The following MLEC variants were observed in gnomAD, a reference collection of about 807,000 sequenced individuals.
MLEC encodes the protein oligosaccharyltransferase complex subunit (non-catalytic).
A neutral mutation model predicts 28.7 loss-of-function variants in MLEC; 7 were observed. The ratio of observed to expected loss-of-function variants is 0.24; its 90% confidence interval spans 0.14 to 0.46. The LOEUF is 0.46. Among genes scored for constraint, MLEC ranks in the 20% least tolerant of loss-of-function variants. The pLI is 0.99. For synonymous variants in MLEC, 142 were observed against 164.4 expected (o/e 0.86, Z 1.04); for missense variants, 237 against 391.1 (o/e 0.61, Z 3.32).
In MLEC at chr12:120,697,231, T is replaced by G. The variant is rs1256899614; in HGVS notation, c.*686T>G. 6.6e-6 allele frequency: 1 copy of G among 152,432 alleles called. No homozygotes were observed. Among genetic ancestry groups the G allele is most frequent in the Non-Finnish European group, 1.5e-5 (1 of 68,084 alleles). 9.4% of individuals were successfully genotyped at this position (152,432 alleles called of 1,614,324 possible). ...AAGACGTTTCGGTTATGTCGGGTCCTCAGATCGCCTCTGACTTGTTACCAC... is the reference window on the plus strand; with the variant it reads ...AAGACGTTTCGGTTATGTCGGGTCCGCAGATCGCCTCTGACTTGTTACCAC... On this transcript the variant is annotated 3_prime_UTR_variant, in exon 5 of 5. Coordinates refer to ENST00000228506, the MANE Select transcript of MLEC (RefSeq NM_014730.4). This position sits in a 1 kb window ranked among gnomAD's most constrained non-coding sequence, Gnocchi z 4.8.
At chr12:120,693,680 G>A (rs1882119762) in intron 1 of MLEC, among the ~76,000 whole-genome samples, 1 of 152,196 alleles carries the variant, frequency 6.6e-6, no homozygotes, top group African/African-American at 2.4e-5. Context: ...ATCTTGTATG[G>A]AGTTCCTGGC....
intron 1 of MLEC, among the ~76,000 whole-genome samples, chr12:120,690,272 A>AGGG (rs1460853865): frequency 6.6e-6 from 1 of 152,030 alleles, no homozygotes; most frequent in African/African-American, 2.4e-5. Flanking sequence ...TGGCCTCCCA[A>AGGG]ACTGCTGGGA....
At position 120,696,777 on chromosome 12, in the gene MLEC, T is replaced by G; in HGVS notation, c.*232T>G. On this transcript the variant is annotated 3_prime_UTR_variant, in exon 5 of 5. Coordinates refer to ENST00000228506, the MANE Select transcript of MLEC (RefSeq NM_014730.4). The surrounding 1 kb of genome is among the most constrained non-coding windows in gnomAD (Gnocchi z 5.4). The stretch of plus-strand genomic sequence containing the variant: ...CTCTCTTTGTGGCTGGCTCCCAGCC[T>G]TCTCTTTCCTCTTGAGGATACTTAG... 3.4e-6 allele frequency: 2 copies of G among 583,432 alleles called. No individual in the cohort carries two copies. Among genetic ancestry groups the G allele is most frequent in the Non-Finnish European group, 5.9e-6 (2 of 337,094 alleles). 36.1% of individuals were successfully genotyped at this position (583,432 alleles called of 1,614,324 possible). A position where few individuals can be genotyped will look rare whatever the true frequency, so the allele number is the denominator to read the frequency against.
intron 1 of MLEC, 191 bp from the exon 2 acceptor site, chr12:120,693,900 C>A: frequency 1.9e-6 from 1 of 531,514 alleles, no homozygotes; most frequent in Non-Finnish European, 3.4e-6. Context: ...TCATTTTACT[C>A]TTCCATAGTA....
chr12:120,695,111 C>T lies in MLEC; in HGVS notation c.608C>T (p.Pro203Leu). The T allele has an allele frequency of 6.2e-7, 1 of 1,614,094 alleles. No homozygotes were observed. Among genetic ancestry groups the T allele is most frequent in the Non-Finnish European group, 8.5e-7 (1 of 1,180,026 alleles). The change falls in exon 4 of 5, where the codon CCC becomes CTC. Residue 203 changes from proline (P) to leucine (L), a missense_variant. Physicochemically the swap from Pro to Leu is moderately conservative, Grantham distance 98. Transcript: ENST00000228506. The stretch of plus-strand genomic sequence containing the variant: ...TTTTCCTAGGGGTACTATGACAATC[C>T]CAAGGTCTGTGCACTCTACATCATG... ...IEFVKGYYDNPKVCALYIMAG... is the reference protein window; with the variant it reads ...IEFVKGYYDNLKVCALYIMAG...
Position 120,696,603 on chromosome 12 carries a change from G to A in MLEC, c.*58G>A, listed in dbSNP as rs921946535. ...GTGTGGGAAAGAAACCAGCCATATT[G>A]GTTTTGGTTTCTGTATTTTTCACAA... On this transcript the variant is annotated 3_prime_UTR_variant, in exon 5 of 5. Transcript: ENST00000228506. The surrounding 1 kb of genome is among the most constrained non-coding windows in gnomAD (Gnocchi z 5.4). The A allele has an allele frequency of 5.1e-6, 8 of 1,580,864 alleles. No individual in the cohort carries two copies. In the Middle Eastern group the frequency reaches 5.1e-4, roughly 101 times the overall value.
Position 120,696,746 on chromosome 12 carries a change from C to G in MLEC, c.*201C>G. 1.4e-6 allele frequency: 1 copy of G among 694,480 alleles called. No homozygotes were observed. The highest frequency in any genetic ancestry group is 2.3e-6 in the Non-Finnish European group (1 of 428,410). 43.0% of individuals were successfully genotyped at this position (694,480 alleles called of 1,614,324 possible). A position where few individuals can be genotyped will look rare whatever the true frequency, so the allele number is the denominator to read the frequency against. On this transcript the variant is annotated 3_prime_UTR_variant, in exon 5 of 5. Coordinates refer to ENST00000228506, the MANE Select transcript of MLEC (RefSeq NM_014730.4). The surrounding 1 kb of genome is among the most constrained non-coding windows in gnomAD (Gnocchi z 5.4). ...ACCTGGTCCCAGACGTGCTTCAGTC[C>G]TCGTCCTCTCTTTGTGGCTGGCTCC...
rs1882362314 is a variant in MLEC at position 120,699,448 on chromosome 12, G to A, written c.*2903G>A. On this transcript the variant is annotated 3_prime_UTR_variant, in exon 5 of 5. Transcript: ENST00000228506. ...TGAGTTGAATTTCTGGGAGGATGAC[G>A]CAGATGTCTGCTGCAGAGCTGGGCT... 6.6e-6 allele frequency: 1 copy of A among 152,224 alleles called. No individual in the cohort carries two copies. The highest frequency in any genetic ancestry group is 2.4e-5 in the African/African-American group (1 of 41,436). 9.4% of individuals were successfully genotyped at this position (152,224 alleles called of 1,614,324 possible).
At position 120,700,445 on chromosome 12, in the gene MLEC, TTTC is replaced by T. The variant is rs1882401921; in HGVS notation, c.*3903_*3905del. Reference sequence around the variant, plus strand: ...TTCCAAAGTGAGAGACGAATCTTTCTTTCTTTTTTTTTTTAAAGGGCAGGATGG... The same window carrying T: ...TTCCAAAGTGAGAGACGAATCTTTCTTTTTTTTTTTTAAAGGGCAGGATGG... On this transcript the variant is annotated 3_prime_UTR_variant, in exon 5 of 5. Coordinates refer to ENST00000228506, the MANE Select transcript of MLEC (RefSeq NM_014730.4). The surrounding 1 kb of genome is among the most constrained non-coding windows in gnomAD (Gnocchi z 4.0). 6.6e-6 allele frequency: 1 copy of T among 152,444 alleles called. No homozygotes were observed. 9.4% of individuals were successfully genotyped at this position (152,444 alleles called of 1,614,324 possible).
chr12:120,696,392 G>C lies in MLEC; in HGVS notation c.726G>C (p.Gly242=). ...EEEEEEEYDE[G]SNLKKQTNKN... is the part of the protein sequence containing the mutation. ...AAGAAGAAGAAGAATATGATGAAGGGTCTAATCTCAAAAAACAGACCAATA... is the reference window on the plus strand; with the variant it reads ...AAGAAGAAGAAGAATATGATGAAGGCTCTAATCTCAAAAAACAGACCAATA... The change falls in exon 5 of 5, where the codon GGG becomes GGC. Residue 242 remains glycine, a synonymous_variant. Transcript: ENST00000228506. The surrounding 1 kb of genome is among the most constrained non-coding windows in gnomAD (Gnocchi z 5.4). 2 of 1,614,090 alleles carry C rather than the reference G, an allele frequency of 1.2e-6. No individual in the cohort carries two copies. Among genetic ancestry groups the C allele is most frequent in the Non-Finnish European group, 1.7e-6 (2 of 1,180,020 alleles).
At position 120,696,172 on chromosome 12, in the gene MLEC, G is replaced by C. The variant is rs1455329840; in HGVS notation, c.650-144G>C. Reference sequence around the variant, plus strand: ...CAGCACTCTGCTGTTCTGTAGACCAGAGGCTATTTCTGCTACTTCTGGTCT... The same window carrying C: ...CAGCACTCTGCTGTTCTGTAGACCACAGGCTATTTCTGCTACTTCTGGTCT... On this transcript the variant is annotated intron_variant, in intron 4 of 4. Transcript: ENST00000228506. This position sits in a 1 kb window ranked among gnomAD's most constrained non-coding sequence, Gnocchi z 5.4. 3.0e-6 allele frequency: 3 copies of C among 1,009,556 alleles called. No individual in the cohort carries two copies. Among genetic ancestry groups the C allele is most frequent in the East Asian group, 4.8e-5 (2 of 41,902 alleles). The allele number at this position is 1,009,556 out of a possible 1,614,324, so 62.5% of individuals were successfully genotyped here. A position where few individuals can be genotyped will look rare whatever the true frequency, so the allele number is the denominator to read the frequency against.
chr12:120,692,519 TC>T (rs1229560473), intron 1 of MLEC, among the ~76,000 whole-genome samples: 3 of 152,180 alleles, frequency 2.0e-5, no homozygotes, highest in Non-Finnish European at 4.4e-5. Flanking sequence ...CCCTCTGATC[TC>T]GTGGCTAATG....
chr12:120,694,100 A>G lies in MLEC; in HGVS notation c.245A>G (p.Tyr82Cys), dbSNP rs1264896032. 2 of 1,613,608 alleles carry G rather than the reference A, an allele frequency of 1.2e-6. No homozygotes were observed. Among genetic ancestry groups the G allele is most frequent in the Non-Finnish European group, 1.7e-6 (2 of 1,179,806 alleles). Residue 82 changes from tyrosine to cysteine, a missense_variant, in exon 2 of 5, where the codon TAT becomes TGT. Tyr to Cys is a radical substitution (Grantham distance 194, BLOSUM62 -2). Coordinates refer to ENST00000228506, the MANE Select transcript of MLEC (RefSeq NM_014730.4). This position sits in a 1 kb window ranked among gnomAD's most constrained non-coding sequence, Gnocchi z 4.5. ...LEGRVGRASD[Y>C]GMKLPILRSN... ...TGTCTTTTGTCCTCAGCCTCAGACTATGGCATGAAACTGCCAATCCTGCGT... is the reference window on the plus strand; with the variant it reads ...TGTCTTTTGTCCTCAGCCTCAGACTGTGGCATGAAACTGCCAATCCTGCGT...
Position 120,694,525 on chromosome 12 carries a change from A to G in MLEC, c.414+256A>G, listed in dbSNP as rs1169399261. Among the ~76,000 whole-genome samples, 1 of 151,906 alleles carries G rather than the reference A, an allele frequency of 6.6e-6. No individual in the cohort carries two copies. The highest frequency in any genetic ancestry group is 1.5e-5 in the Non-Finnish European group (1 of 67,972). ...GCTACTTCCCTCCATGGTTTGCCGC[A>G]CCTTCTTGTTTTTAGCCTTATTTTT... On this transcript the variant is annotated intron_variant, in intron 2 of 4. Transcript: ENST00000228506. This position sits in a 1 kb window ranked among gnomAD's most constrained non-coding sequence, Gnocchi z 4.5.
rs960223972 is a variant in MLEC, at chr12:120,692,347, C to T, written c.236-1744C>T. ...TTTCAGTCTTCATAGGTTTGTATCC[C>T]GGGGCAATGGTTTTTTGAGGCTGGA... On this transcript the variant is annotated intron_variant, in intron 1 of 4. Coordinates refer to ENST00000228506, the MANE Select transcript of MLEC (RefSeq NM_014730.4). Among the ~76,000 whole-genome samples the T allele has an allele frequency of 5.9e-5, 9 of 152,158 alleles. No homozygotes were observed. The South Asian group carries it at 8.3e-4, about 14-fold the overall frequency.
chr12:120,688,606 G>C (rs1691859554), intron 1 of MLEC, among the ~76,000 whole-genome samples: 1 of 152,238 alleles, frequency 6.6e-6, no homozygotes. Context: ...AGACAACCAG[G>C]AGACAGACTC....
chr12:120,696,646 CAA>C lies in MLEC; in HGVS notation c.*103_*104del, dbSNP rs914522551. The C allele has an allele frequency of 1.5e-5, 23 of 1,509,382 alleles. No homozygotes were observed. Among genetic ancestry groups the C allele is most frequent in the Admixed American group, 2.1e-5 (1 of 46,754 alleles). 93.5% of individuals were successfully genotyped at this position (1,509,382 alleles called of 1,614,324 possible). On this transcript the variant is annotated 3_prime_UTR_variant, in exon 5 of 5. Coordinates refer to ENST00000228506, the MANE Select transcript of MLEC (RefSeq NM_014730.4). This position sits in a 1 kb window ranked among gnomAD's most constrained non-coding sequence, Gnocchi z 5.4. ...TTTCACAATGATTAATGAACAAAAA[CAA>C]AGAGAAAAAAACACACATCAATTAA...
In MLEC at chr12:120,700,606, C is replaced by T. The variant is rs2137426195; in HGVS notation, c.*4061C>T. On this transcript the variant is annotated 3_prime_UTR_variant, in exon 5 of 5. Coordinates refer to ENST00000228506, the MANE Select transcript of MLEC (RefSeq NM_014730.4). This position sits in a 1 kb window ranked among gnomAD's most constrained non-coding sequence, Gnocchi z 4.0. ...GAAATCTCAGAAGAAATCTGCTTCT[C>T]TTCGATGGAAAGATATAATTAACGA... 1 of 152,282 alleles carries T rather than the reference C, an allele frequency of 6.6e-6. No individual in the cohort carries two copies. The highest frequency in any genetic ancestry group is 2.4e-5 in the African/African-American group (1 of 41,542). 9.4% of individuals were successfully genotyped at this position (152,282 alleles called of 1,614,324 possible).
At position 120,689,616 on chromosome 12, in the gene MLEC, A is replaced by C. The variant is rs953201478; in HGVS notation, c.235+2085A>C. Reference sequence around the variant, plus strand: ...ATGCGCATAAGCTTGCACTCTCAGGAGGCAGCTCTCTACTAAGGAGTCAGT... The same window carrying C: ...ATGCGCATAAGCTTGCACTCTCAGGCGGCAGCTCTCTACTAAGGAGTCAGT... On this transcript the variant is annotated intron_variant, in intron 1 of 4. Transcript: ENST00000228506. Among the ~76,000 whole-genome samples, 6 of 152,288 alleles carry C rather than the reference A, an allele frequency of 3.9e-5. No individual in the cohort carries two copies. In the East Asian group the frequency reaches 1.2e-3, roughly 29 times the overall value.
Sources: allele counts gnomAD v4.1 joint callset (sites outside exome capture counted in the v4.1 genomes callset), GRCh38; gene constraint gnomAD v4.1.1; non-coding constraint Gnocchi (gnomAD v3.1); transcripts MANE v1.5; gene names NCBI Gene and HGNC (gene_info 2026-07-23, HGNC 2026-07-21).